Variants in PPFIA2 observed in about 807,000 individuals in gnomAD.
PPFIA2 encodes the protein liprin-alpha-2.
A neutral mutation model predicts 175.5 loss-of-function variants in PPFIA2; 46 were observed. The observed-to-expected ratio is 0.26, with a 90% CI of 0.21 to 0.34. The LOEUF (loss-of-function observed/expected upper bound fraction) is 0.34, where lower values mean the gene tolerates loss of function less well. Ranked by LOEUF, PPFIA2 falls within the 10% of genes least tolerant of loss-of-function variation. PPFIA2 has a pLI of 1.00. For missense variants in PPFIA2, 1,179 were observed against 1,506.1 expected (o/e 0.78, Z 3.60); for synonymous variants, 568 against 511.4 (o/e 1.11, Z -1.49).
At chr12:81,450,752 A>G (rs907404467) in intron 5 of PPFIA2, among the ~76,000 whole-genome samples, 3 of 152,076 alleles carry the variant, frequency 2.0e-5, no homozygotes, top group Non-Finnish European at 2.9e-5. Flanking sequence ...GTTTTCTTCT[A>G]GGGTTTTTAT....
intron 7 of PPFIA2, among the ~76,000 whole-genome samples, chr12:81,407,903 A>G (rs1333889319): frequency 2.0e-5 from 3 of 152,206 alleles, no homozygotes; most frequent in Non-Finnish European, 2.9e-5. Flanking sequence ...TTGCTTATTT[A>G]TTTAGCTAGC....
intron 3 of PPFIA2, among the ~76,000 whole-genome samples, chr12:81,690,114 A>G (rs1596416705): frequency 1.3e-5 from 2 of 152,250 alleles, no homozygotes; most frequent in South Asian, 4.1e-4. Context: ...TGGCATTTTA[A>G]TGGCAGATAA....
chr12:81,598,388 C>T, intron 4 of PPFIA2: 1 of 1,082,058 alleles, frequency 9.2e-7, no homozygotes, highest in African/African-American at 1.7e-5. Flanking sequence ...AATCACCTCC[C>T]TCCACCACAG....
Position 81,276,308 on chromosome 12 carries a change from T to C in PPFIA2, c.3310+1009A>G, listed in dbSNP as rs1319669688. The stretch of plus-strand genomic sequence containing the variant: ...AGGGTGGCGAAAGATGAGAAATTAC[T>C]TAATGGGTACAATGTACATCATTCA... On this transcript the variant is annotated intron_variant, in intron 28 of 32. Coordinates refer to ENST00000549396, the MANE Select transcript of PPFIA2 (RefSeq NM_003625.5). Among the ~76,000 whole-genome samples the C allele has an allele frequency of 2.6e-5, 4 of 152,254 alleles. No homozygotes were observed. The East Asian group carries it at 7.7e-4, about 29-fold the overall frequency.
intron 4 of PPFIA2, among the ~76,000 whole-genome samples, chr12:81,568,451 C>T (rs1207232733): frequency 6.6e-6 from 1 of 152,188 alleles, no homozygotes; most frequent in Non-Finnish European, 1.5e-5. Flanking sequence ...CTTTCCTTAG[C>T]TAAGCCCCTA....
At chr12:81,677,967 A>G (rs929712919) in intron 3 of PPFIA2, among the ~76,000 whole-genome samples, 6 of 151,868 alleles carry the variant, frequency 4.0e-5, no homozygotes, top group African/African-American at 1.4e-4. Flanking sequence ...AAAATCACCC[A>G]GGTTTTTAGT....
At chr12:81,368,231 A>C in intron 13 of PPFIA2, 1 of 1,115,284 alleles carries the variant, frequency 9.0e-7, no homozygotes, top group Non-Finnish European at 1.2e-6. Flanking sequence ...TATTTCTGAA[A>C]TAATGCAGCT....
At chr12:81,391,947 T>C (rs1473596062) in intron 8 of PPFIA2, among the ~76,000 whole-genome samples, 1 of 151,782 alleles carries the variant, frequency 6.6e-6, no homozygotes, top group African/African-American at 2.4e-5. Flanking sequence ...AAATATGATG[T>C]GTGTTCTTGA....
In PPFIA2 at chr12:81,494,863, A is replaced by T. The variant is rs529220875; in HGVS notation, c.304-36997T>A. On this transcript the variant is annotated intron_variant, in intron 4 of 32. Coordinates refer to ENST00000549396, the MANE Select transcript of PPFIA2 (RefSeq NM_003625.5). Reference sequence around the variant, plus strand: ...ACAAGGACAAAAAACCAAACACCGCATGTTCTCACTCATAGGTGGGAATTG... The same window carrying T: ...ACAAGGACAAAAAACCAAACACCGCTTGTTCTCACTCATAGGTGGGAATTG... Among the ~76,000 whole-genome samples the T allele has an allele frequency of 2.7e-5, 4 of 146,340 alleles. No individual in the cohort carries two copies. The East Asian group carries it at 8.3e-4, about 30-fold the overall frequency.
intron 4 of PPFIA2, among the ~76,000 whole-genome samples, chr12:81,526,270 C>T (rs1443212495): frequency 6.6e-6 from 1 of 152,054 alleles, no homozygotes; most frequent in Non-Finnish European, 1.5e-5. Context: ...GGTCTTTTTC[C>T]TGATAGTTGA....
chr12:81,578,440 C>G (rs900467808), intron 4 of PPFIA2, among the ~76,000 whole-genome samples: 3 of 151,600 alleles, frequency 2.0e-5, no homozygotes, highest in African/African-American at 7.3e-5. Context: ...CCCAACTAAC[C>G]AGCTTACTAA....
intron 4 of PPFIA2, among the ~76,000 whole-genome samples, chr12:81,666,698 A>T (rs1473797495): frequency 6.6e-6 from 1 of 152,174 alleles, no homozygotes; most frequent in Non-Finnish European, 1.5e-5. Flanking sequence ...CCAGCATGGC[A>T]CATGTATACA....
At chr12:81,391,071 C>G (rs1296884023) in intron 8 of PPFIA2, among the ~76,000 whole-genome samples, 2 of 151,942 alleles carry the variant, frequency 1.3e-5, no homozygotes, top group Middle Eastern at 3.4e-3. Flanking sequence ...ACTTTTCTGA[C>G]ATCAAGGCAA....
At chr12:81,282,882 T>G in intron 26 of PPFIA2, 128 bp downstream of exon 26, 1 of 685,136 alleles carries the variant, frequency 1.5e-6, no homozygotes, top group East Asian at 2.7e-5. Context: ...TACATTTACC[T>G]ATACACATCA....
intron 7 of PPFIA2, among the ~76,000 whole-genome samples, chr12:81,431,915 T>C (rs2048164121): frequency 6.6e-6 from 1 of 152,142 alleles, no homozygotes; most frequent in Non-Finnish European, 1.5e-5. Flanking sequence ...TCTACCTGCT[T>C]CTATTTTCTT....
chr12:81,308,623 C>T (rs945904014), intron 22 of PPFIA2, among the ~76,000 whole-genome samples: 3 of 152,054 alleles, frequency 2.0e-5, no homozygotes, highest in Non-Finnish European at 2.9e-5. Flanking sequence ...CTTTCTTTTC[C>T]TATGGTTCAT....
chr12:81,695,536 C>T (rs931479782), intron 3 of PPFIA2, among the ~76,000 whole-genome samples: 2 of 152,142 alleles, frequency 1.3e-5, no homozygotes, highest in African/African-American at 4.8e-5. Flanking sequence ...ACCATGCTTC[C>T]TGTAAAACCT....
rs1294674117 is a variant in PPFIA2 at position 81,295,016 on chromosome 12, G to C, written c.2744C>G (p.Ala915Gly). ...GGCTCGGCAGGCTGCCACGTACCAC[G>C]CAGGCATTCCCAACCAAAGCTGTTA... ...AWLELWLGMPAWYVAACRANV... is the reference protein window; with the variant it reads ...AWLELWLGMPGWYVAACRANV... The change falls in exon 24 of 33, where the codon GCG becomes GGG. Residue 915 changes from alanine (A) to glycine (G), a missense_variant. Ala to Gly is a moderately conservative substitution (Grantham distance 60). Coordinates refer to ENST00000549396, the MANE Select transcript of PPFIA2 (RefSeq NM_003625.5). 6.2e-7 allele frequency: 1 copy of C among 1,613,406 alleles called. No homozygotes were observed. The highest frequency in any genetic ancestry group is 1.7e-5 in the Admixed American group (1 of 59,966).
chr12:81,291,629 T>G (rs1379780963), intron 24 of PPFIA2, among the ~76,000 whole-genome samples: 1 of 151,984 alleles, frequency 6.6e-6, no homozygotes, highest in Non-Finnish European at 1.5e-5. Context: ...CTATCTTTAT[T>G]TCGTCTAGTG....
Sources: gnomAD v4.1 joint callset for allele counts (sites outside exome capture counted in the v4.1 genomes callset) on GRCh38, gnomAD v4.1.1 for gene constraint, MANE v1.5 for transcripts, NCBI Gene and HGNC (gene_info 2026-07-23, HGNC 2026-07-21) for gene names.